The following SENP7 variants were observed in gnomAD, a reference collection of about 807,000 sequenced individuals.
SENP7 encodes the protein sentrin-specific protease 7.
Under a neutral mutation model 141.2 loss-of-function variants are expected in SENP7, and 64 were observed. That is an observed-to-expected ratio of 0.45 (90% CI 0.37 to 0.56). SENP7 has a LOEUF of 0.56. Among genes scored for constraint, SENP7 ranks in the 20% least tolerant of loss-of-function variants. The pLI is 0.00. For missense variants in SENP7, 1,025 were observed against 1,212.2 expected, an observed-to-expected ratio of 0.85 and a Z score of 2.29; for synonymous variants, 382 against 426.4, an observed-to-expected ratio of 0.90 and a Z score of 1.28.
intron 20 of SENP7, among the ~76,000 whole-genome samples, chr3:101,329,385 C>T (rs971639349): frequency 1.3e-5 from 2 of 151,978 alleles, no homozygotes; most frequent in African/African-American, 4.8e-5. Flanking sequence ...GCCGCCGTGA[C>T]AGCAGGAAAG....
In SENP7 at chr3:101,340,149, T is replaced by C. The variant is rs2059292930; in HGVS notation, c.2303A>G (p.Glu768Gly). 1.2e-6 allele frequency: 2 copies of C among 1,601,538 alleles called. No individual in the cohort carries two copies. Among genetic ancestry groups the C allele is most frequent in the Non-Finnish European group, 1.7e-6 (2 of 1,175,606 alleles). Residue 768 changes from glutamate to glycine, a missense_variant, in exon 16 of 24, where the codon GAG becomes GGG. By Grantham distance (98) the Glu-to-Gly change is moderately conservative. Transcript: ENST00000394095. ...GGLGVTNEDL[E>G]CLEEGEFLND... ...AAGAAACTCTCCTTCTTCTAAACAC[T>C]CCAGATCTTCATTAGTTACTCCTAA...
chr3:101,384,628 G>C (rs1413782766), intron 6 of SENP7, among the ~76,000 whole-genome samples: 2 of 152,228 alleles, frequency 1.3e-5, no homozygotes, highest in Non-Finnish European at 2.9e-5. Flanking sequence ...ACAGTGGCCA[G>C]ACCCAGCACT....
intron 11 of SENP7, 25 bp from the exon 12 acceptor site, chr3:101,351,676 C>A: frequency 7.6e-7 from 1 of 1,323,748 alleles, no homozygotes; most frequent in Non-Finnish European, 9.8e-7. Flanking sequence ...AAAAAGCAAA[C>A]AATGAGTTAC....
At chr3:101,381,744 A>G (rs1000407075) in intron 6 of SENP7, among the ~76,000 whole-genome samples, 2 of 152,198 alleles carry the variant, frequency 1.3e-5, no homozygotes, top group Non-Finnish European at 2.9e-5. Flanking sequence ...AAAGGAGTTG[A>G]ACTTAGGATA....
At chr3:101,327,221 G>T (rs751936857) in intron 23 of SENP7, among the ~76,000 whole-genome samples, 11 of 151,716 alleles carry the variant, frequency 7.3e-5, no homozygotes, top group Admixed American at 3.9e-4. Flanking sequence ...CTCTTTGCTT[G>T]CCCAGTGATA....
intron 16 of SENP7, among the ~76,000 whole-genome samples, chr3:101,338,168 A>G (rs897106015): frequency 1.3e-5 from 2 of 151,804 alleles, no homozygotes; most frequent in African/African-American, 4.8e-5. Context: ...AAAAAAAAAA[A>G]ATTAAAAAAC....
At chr3:101,452,991 T>G (rs1266940309) in intron 4 of SENP7, among the ~76,000 whole-genome samples, 1 of 152,052 alleles carries the variant, frequency 6.6e-6, no homozygotes, top group Non-Finnish European at 1.5e-5. Flanking sequence ...ATATCCAGAA[T>G]CTACAATAAA....
intron 7 of SENP7, among the ~76,000 whole-genome samples, chr3:101,369,250 C>T (rs751933602): frequency 1.3e-5 from 2 of 152,196 alleles, no homozygotes; most frequent in Non-Finnish European, 2.9e-5. Flanking sequence ...AGTTTATACA[C>T]AGCAAGTCAC....
At chr3:101,441,917 A>T (rs2062690545) in intron 4 of SENP7, among the ~76,000 whole-genome samples, 1 of 152,240 alleles carries the variant, frequency 6.6e-6, no homozygotes, top group Non-Finnish European at 1.5e-5. Context: ...GCATAAGACA[A>T]TAAGGACCTT....
At chr3:101,404,984 T>C (rs948589732) in intron 5 of SENP7, among the ~76,000 whole-genome samples, 1 of 152,150 alleles carries the variant, frequency 6.6e-6, no homozygotes, top group Non-Finnish European at 1.5e-5. Flanking sequence ...AACACCTTGA[T>C]TGGATTTCTT....
intron 3 of SENP7, among the ~76,000 whole-genome samples, chr3:101,475,097 T>C (rs1241126388): frequency 6.6e-6 from 1 of 152,034 alleles, no homozygotes; most frequent in Non-Finnish European, 1.5e-5. Context: ...ATCAGACAAA[T>C]AGGCATTAAG....
At chr3:101,348,995 C>T (rs753976989) in intron 12 of SENP7, among the ~76,000 whole-genome samples, 1 of 152,146 alleles carries the variant, frequency 6.6e-6, no homozygotes, top group Non-Finnish European at 1.5e-5. Flanking sequence ...CTAAGCTGAG[C>T]TTGTGACATT....
intron 4 of SENP7, among the ~76,000 whole-genome samples, chr3:101,424,333 T>C (rs534517441): frequency 5.2e-5 from 7 of 133,782 alleles, no homozygotes; most frequent in Admixed American, 4.2e-4. Context: ...CCCCGCACGT[T>C]GCTTTGCTGA....
intron 16 of SENP7, among the ~76,000 whole-genome samples, chr3:101,338,612 C>T (rs895566492): frequency 6.6e-6 from 1 of 152,132 alleles, no homozygotes; most frequent in East Asian, 1.9e-4. Flanking sequence ...GAACTCCAGA[C>T]AGCTGCAAAG....
intron 2 of SENP7, among the ~76,000 whole-genome samples, chr3:101,496,067 C>T (rs12490599): frequency 0.018 from 2,679 of 152,156 alleles, 30 homozygotes; most frequent in Admixed American, 0.039. Flanking sequence ...GATTACAAGA[C>T]AGTATTTTGT....
chr3:101,398,950 C>T lies in SENP7; in HGVS notation c.588G>A (p.Leu196=). ...ATGATGAAGAAAGTTGCTCTGATTGCAAGTTGTCTGTATCACTCAAACTTC... is the reference window on the plus strand; with the variant it reads ...ATGATGAAGAAAGTTGCTCTGATTGTAAGTTGTCTGTATCACTCAAACTTC... ...TEGSLSDTDN[L]QSEQLSSSSD... Residue 196 remains leucine, a synonymous_variant, in exon 6 of 24, where the codon TTG becomes TTA. Transcript: ENST00000394095. 1 of 1,613,832 alleles carries T rather than the reference C, an allele frequency of 6.2e-7. No homozygotes were observed. Among genetic ancestry groups the T allele is most frequent in the Non-Finnish European group, 8.5e-7 (1 of 1,179,796 alleles).
chr3:101,454,359 A>G (rs991737120), intron 4 of SENP7, among the ~76,000 whole-genome samples: 5 of 152,192 alleles, frequency 3.3e-5, no homozygotes, highest in Non-Finnish European at 5.9e-5. Context: ...AAAAAACAGA[A>G]TAATTGGCCA....
chr3:101,429,465 G>T (rs1255327176), intron 4 of SENP7, among the ~76,000 whole-genome samples: 1 of 152,142 alleles, frequency 6.6e-6, no homozygotes, highest in South Asian at 2.1e-4. Context: ...ATTGTGAATG[G>T]GAATTCACTC....
At chr3:101,410,488 A>C (rs1346970728) in intron 5 of SENP7, among the ~76,000 whole-genome samples, 1 of 152,318 alleles carries the variant, frequency 6.6e-6, no homozygotes, top group East Asian at 1.9e-4. Flanking sequence ...TTATAGGAGC[A>C]CAATTCACAA....
Sources: gnomAD v4.1 joint callset for allele counts (sites outside exome capture counted in the v4.1 genomes callset) on GRCh38, gnomAD v4.1.1 for gene constraint, MANE v1.5 for transcripts, NCBI Gene and HGNC (gene_info 2026-07-23, HGNC 2026-07-21) for gene names.